Variants in TACC2 observed in about 807,000 individuals in gnomAD.
TACC2 encodes transforming acidic coiled-coil-containing protein 2.
TACC2 carries 137 observed loss-of-function variants against 227.3 expected under a neutral mutation model. The ratio of observed to expected loss-of-function variants is 0.60; its 90% CI spans 0.52 to 0.69. TACC2 has a LOEUF of 0.69. Among genes scored for constraint, TACC2 ranks in the 30% least tolerant of loss-of-function variants. The probability of loss-of-function intolerance (pLI) is 0.00; values close to 1 mark genes in which losing one functional copy is unlikely to be tolerated. For synonymous variants in TACC2, 1,523 were observed against 1,487.5 expected (o/e 1.02, Z -0.55); for missense variants, 3,470 against 3,694.4 (o/e 0.94, Z 1.57).
chr10:122,130,887 A>G (rs892846291), intron 5 of TACC2, among the ~76,000 whole-genome samples: 9 of 152,318 alleles, frequency 5.9e-5, no homozygotes, highest in African/African-American at 1.9e-4. Context: ...TGGCCTCAGC[A>G]TGCTCACCAC....
At chr10:122,123,710 G>T (rs924065342) in intron 5 of TACC2, among the ~76,000 whole-genome samples, 2 of 152,102 alleles carry the variant, frequency 1.3e-5, no homozygotes, top group African/African-American at 4.8e-5. Flanking sequence ...AGCCCCTGGG[G>T]CTCAGCTTTC....
intron 6 of TACC2, 95 bp downstream of exon 6, chr10:122,132,829 C>T: frequency 1.5e-6 from 2 of 1,346,404 alleles, no homozygotes; most frequent in Admixed American, 3.9e-5. Flanking sequence ...CCCCTCCTCT[C>T]TTTTCTCCTG....
intron 7 of TACC2, among the ~76,000 whole-genome samples, chr10:122,159,677 T>G (rs904742119): frequency 2.6e-5 from 4 of 152,124 alleles, no homozygotes; most frequent in Admixed American, 2.6e-4. Flanking sequence ...CCAGCCTCCC[T>G]CTGCTCGCCA....
chr10:122,111,959 CT>C (rs2083688962), intron 5 of TACC2, among the ~76,000 whole-genome samples: 1 of 152,160 alleles, frequency 6.6e-6, no homozygotes, highest in Non-Finnish European at 1.5e-5. Flanking sequence ...AAAAATGTGA[CT>C]CTTAGAAGCA....
chr10:122,014,231 T>TC (rs1364778845), intron 1 of TACC2, among the ~76,000 whole-genome samples: 1 of 151,734 alleles, frequency 6.6e-6, no homozygotes, highest in African/African-American at 2.4e-5. Context: ...TGTGTAATTT[T>TC]TTTTTTTTTG....
intron 2 of TACC2, chr10:122,032,978 C>CAAT (rs1277790094): frequency 1.8e-6 from 1 of 555,748 alleles, no homozygotes; most frequent in Non-Finnish European, 2.9e-6. Flanking sequence ...AACAAAACAA[C>CAAT]AACAACAACA....
At chr10:121,994,502 C>T (rs140967907) in intron 1 of TACC2, 132 of 152,416 alleles carry the variant, frequency 8.7e-4, no homozygotes, top group African/African-American at 3.0e-3. Flanking sequence ...TCTGGAAAGC[C>T]GCTGCCTGGC....
rs1375242719 is a variant in TACC2 at position 122,210,094 on chromosome 10, T to C, written c.5972-303T>C. The C allele has an allele frequency of 9.4e-6, 4 of 424,256 alleles. No homozygotes were observed. Among genetic ancestry groups the C allele is most frequent in the Non-Finnish European group, 1.7e-5 (4 of 232,046 alleles). 26.3% of individuals were successfully genotyped at this position (424,256 alleles called of 1,614,324 possible). On this transcript the variant is annotated intron_variant, in intron 8 of 22. Coordinates refer to ENST00000369005, the MANE Select transcript of TACC2 (RefSeq NM_206862.4). This position sits in a 1 kb window ranked among gnomAD's most constrained non-coding sequence, Gnocchi z 4.6. ...GTTGAATCTCTAGTACCTAGAACCA[T>C]GTCTGGTCCTGATTAGGCACTTGGT...
intron 3 of TACC2, among the ~76,000 whole-genome samples, chr10:122,064,973 G>A (rs541584894): frequency 2.6e-5 from 4 of 152,182 alleles, no homozygotes; most frequent in African/African-American, 9.6e-5. Context: ...CAACTATTCT[G>A]ACTTCTATCA....
intron 2 of TACC2, among the ~76,000 whole-genome samples, chr10:122,024,503 G>A (rs1302383292): frequency 1.3e-5 from 2 of 152,076 alleles, no homozygotes; most frequent in East Asian, 1.9e-4. Context: ...GACCATGCCC[G>A]TCACCAGGGG....
chr10:122,129,060 AATT>A (rs34221080), intron 5 of TACC2, among the ~76,000 whole-genome samples: 23,632 of 128,314 alleles, frequency 0.18, 2,928 homozygotes, highest in African/African-American at 0.36. Flanking sequence ...ATCTTATTTT[AATT>A]ATTATTATTA....
rs1361503258 is a variant in TACC2, at chr10:122,211,334, G to A, written c.6909G>A (p.Lys2303=). ...CCAAAATGCCCCTGAGGAGGCCAAAGATGAAAAAGACACCCGAGAAACTTG... is the reference window on the plus strand; with the variant it reads ...CCAAAATGCCCCTGAGGAGGCCAAAAATGAAAAAGACACCCGAGAAACTTG... The part of the protein sequence containing the change: ...PVAKMPLRRP[K]MKKTPEKLDN... Residue 2303 remains lysine, a synonymous_variant, in exon 9 of 23, where the codon AAG becomes AAA. Coordinates refer to ENST00000369005, the MANE Select transcript of TACC2 (RefSeq NM_206862.4). The A allele has an allele frequency of 3.7e-6, 6 of 1,613,848 alleles. No homozygotes were observed. In the Middle Eastern group the frequency reaches 6.6e-4, roughly 178 times the overall value.
chr10:122,174,146 T>C (rs1191779565), intron 7 of TACC2, among the ~76,000 whole-genome samples: 1 of 152,192 alleles, frequency 6.6e-6, no homozygotes, highest in African/African-American at 2.4e-5. Context: ...TTCCACTGGG[T>C]GCAACTATCA....
intron 6 of TACC2, among the ~76,000 whole-genome samples, chr10:122,134,793 G>A (rs561517678): frequency 7.9e-4 from 120 of 152,342 alleles, no homozygotes; most frequent in Non-Finnish European, 1.4e-3. Flanking sequence ...GGGGCACGAG[G>A]AAGCTCTGAG....
At chr10:122,227,483 G>A (rs1467873276) in intron 13 of TACC2, among the ~76,000 whole-genome samples, 7 of 152,202 alleles carry the variant, frequency 4.6e-5, no homozygotes, top group Admixed American at 2.6e-4. Context: ...TTACAGGCAT[G>A]CAGCATCTCA....
intron 7 of TACC2, among the ~76,000 whole-genome samples, chr10:122,149,462 C>G (rs2091793605): frequency 6.6e-6 from 1 of 152,164 alleles, no homozygotes; most frequent in African/African-American, 2.4e-5. Flanking sequence ...GTGGCGTTGG[C>G]TCTTCAGGCT....
intron 7 of TACC2, among the ~76,000 whole-genome samples, chr10:122,155,587 C>T (rs1034938388): frequency 6.6e-6 from 1 of 152,112 alleles, no homozygotes; most frequent in African/African-American, 2.4e-5. Flanking sequence ...CTCTTTCTTC[C>T]CAGGTTTAGA....
At chr10:122,009,377 G>A (rs1955644841) in intron 1 of TACC2, among the ~76,000 whole-genome samples, 1 of 152,158 alleles carries the variant, frequency 6.6e-6, no homozygotes, top group African/African-American at 2.4e-5. Context: ...GGTGGTGCAT[G>A]CCTGTAATCT....
In TACC2 at chr10:122,098,096, C is replaced by T. The variant is rs184171016; in HGVS notation, c.5573+9505C>T. 3.3e-4 allele frequency among the ~76,000 whole-genome samples: 50 copies of T among 152,188 alleles called. 1 individual carries two copies. In the South Asian group the frequency reaches 1.0e-2, roughly 30 times the overall value. ...GAGTGACAGATGTGGTTTGTTGACT[C>T]CCAGCCCAGGGCCCAGCACACACGT... On this transcript the variant is annotated intron_variant, in intron 5 of 22. Transcript: ENST00000369005.
Sources: allele counts gnomAD v4.1 joint callset (sites outside exome capture counted in the v4.1 genomes callset), GRCh38; gene constraint gnomAD v4.1.1; non-coding constraint Gnocchi (gnomAD v3.1); transcripts MANE v1.5; gene names NCBI Gene and HGNC (gene_info 2026-07-23, HGNC 2026-07-21).